The following SBNO2 variants were observed in gnomAD, a reference collection of about 807,000 sequenced individuals.
The protein encoded by SBNO2 is protein strawberry notch homolog 2.
A neutral mutation model predicts 146.3 loss-of-function variants in SBNO2; 89 were observed. The ratio of observed to expected loss-of-function variants is 0.61; its 90% CI spans 0.51 to 0.73. SBNO2 has a LOEUF of 0.73. Among genes scored for constraint, SBNO2 ranks in the 30% least tolerant of loss-of-function variants. SBNO2 has a pLI of 0.00. For synonymous variants in SBNO2, 1,147 were observed against 892.6 expected, an observed-to-expected ratio of 1.29 and a Z score of -5.08; for missense variants, 2,092 against 2,003.7, an observed-to-expected ratio of 1.04 and a Z score of -0.84.
intron 4 of SBNO2, among the ~76,000 whole-genome samples, chr19:1,145,062 C>T (rs978544964): frequency 1.4e-5 from 2 of 144,672 alleles, no homozygotes; most frequent in African/African-American, 5.2e-5. Context: ...AAGACAGAGG[C>T]AGAGAGGGAG....
intron 4 of SBNO2, among the ~76,000 whole-genome samples, chr19:1,145,855 T>C (rs2080184876): frequency 6.6e-6 from 1 of 152,080 alleles, no homozygotes; most frequent in Non-Finnish European, 1.5e-5. Context: ...AGCCCCAAGA[T>C]GAGCAGGGGC....
chr19:1,113,852 C>T, intron 18 of SBNO2, 148 bp from the exon 19 acceptor site: 1 of 1,074,904 alleles, frequency 9.3e-7, no homozygotes, highest in South Asian at 2.0e-5. Flanking sequence ...GGCACCGTGG[C>T]CCAGGACTGC....
At chr19:1,171,415 C>T (rs1396548190) in intron 1 of SBNO2, among the ~76,000 whole-genome samples, 2 of 152,192 alleles carry the variant, frequency 1.3e-5, no homozygotes, top group Non-Finnish European at 2.9e-5. Context: ...GACACGTGTA[C>T]ACACACATGC....
Position 1,147,440 on chromosome 19 carries a change from G to GT in SBNO2, c.168-21_168-20insA. 8.1e-7 allele frequency: 1 copy of GT among 1,241,440 alleles called. No individual in the cohort carries two copies. The highest frequency in any genetic ancestry group is 1.1e-6 in the Non-Finnish European group (1 of 900,922). The allele number at this position is 1,241,440 out of a possible 1,614,324, so 76.9% of individuals were successfully genotyped here. On this transcript the variant is annotated intron_variant, in intron 3 of 31. Coordinates refer to ENST00000361757, the MANE Select transcript of SBNO2 (RefSeq NM_014963.3). Reference sequence around the variant, plus strand: ...AACGGGCTGGAGGGAGATGGGGGGGGGGGAGGTGAGATGGGGTGCTCAACC... The same window carrying GT: ...AACGGGCTGGAGGGAGATGGGGGGGGTGGGAGGTGAGATGGGGTGCTCAACC...
intron 1 of SBNO2, among the ~76,000 whole-genome samples, chr19:1,171,857 G>C (rs1475217271): frequency 1.3e-5 from 2 of 152,178 alleles, no homozygotes; most frequent in East Asian, 1.9e-4. Flanking sequence ...CACGCGGCTG[G>C]AGAACATGCA....
chr19:1,164,897 G>A (rs867363370), intron 1 of SBNO2, among the ~76,000 whole-genome samples: 1 of 88,326 alleles, frequency 1.1e-5, no homozygotes, highest in Admixed American at 1.3e-4. Flanking sequence ...ACAGGAGGAG[G>A]AGGAGGAGGA....
rs1415495415 is a variant in SBNO2, at chr19:1,126,935, GC to G, written c.441+668del. ...GCCCGAAGAACCTGGGGGCCCTGCT[GC>G]CCTACAACCCCTGCTCTAGGCCTGG... On this transcript the variant is annotated intron_variant, in intron 5 of 31. Coordinates refer to ENST00000361757, the MANE Select transcript of SBNO2 (RefSeq NM_014963.3). The surrounding 1 kb of genome is among the most constrained non-coding windows in gnomAD (Gnocchi z 4.4). 6.6e-6 allele frequency among the ~76,000 whole-genome samples: 1 copy of G among 152,182 alleles called. No individual in the cohort carries two copies. Among genetic ancestry groups the G allele is most frequent in the Non-Finnish European group, 1.5e-5 (1 of 68,018 alleles).
chr19:1,112,282 G>A lies in SBNO2; in HGVS notation c.2535C>T (p.Asn845=), dbSNP rs757001195. 1.3e-6 allele frequency: 2 copies of A among 1,587,730 alleles called. No individual in the cohort carries two copies. Among genetic ancestry groups the A allele is most frequent in the African/African-American group, 1.3e-5 (1 of 74,674 alleles). ...AGACATACTCTGGCGCGGAGACCTG[G>A]TTGGACCGGTGGGTGCGGCCTGGGG... is the stretch of plus-strand genomic sequence containing the variant. ...IQQFGRTHRS[N]QVSAPEYVFL... is the part of the protein sequence containing the mutation. The change falls in exon 22 of 32, where the codon AAC becomes AAT. Residue 845 remains asparagine, a synonymous_variant. Coordinates refer to ENST00000361757, the MANE Select transcript of SBNO2 (RefSeq NM_014963.3). This position sits in a 1 kb window ranked among gnomAD's most constrained non-coding sequence, Gnocchi z 5.9.
chr19:1,126,745 G>A lies in SBNO2; in HGVS notation c.441+859C>T, dbSNP rs2079970029. On this transcript the variant is annotated intron_variant, in intron 5 of 31. Coordinates refer to ENST00000361757, the MANE Select transcript of SBNO2 (RefSeq NM_014963.3). This position sits in a 1 kb window ranked among gnomAD's most constrained non-coding sequence, Gnocchi z 4.4. Reference sequence around the variant, plus strand: ...AGGCTGGCATGGGCCCTCACCGGAAGGCGCTCAGTCCCAGAGACATGTCCA... The same window carrying A: ...AGGCTGGCATGGGCCCTCACCGGAAAGCGCTCAGTCCCAGAGACATGTCCA... Among the ~76,000 whole-genome samples the A allele has an allele frequency of 6.6e-6, 1 of 152,246 alleles. No individual in the cohort carries two copies. The highest frequency in any genetic ancestry group is 2.1e-4 in the South Asian group (1 of 4,836).
rs1187500786 is a variant in SBNO2 at position 1,140,984 on chromosome 19, G to A, written c.279+6325C>T. 6.8e-6 allele frequency among the ~76,000 whole-genome samples: 1 copy of A among 148,018 alleles called. No homozygotes were observed. The highest frequency in any genetic ancestry group is 1.5e-5 in the Non-Finnish European group (1 of 66,792). On this transcript the variant is annotated intron_variant, in intron 4 of 31. Coordinates refer to ENST00000361757, the MANE Select transcript of SBNO2 (RefSeq NM_014963.3). This position sits in a 1 kb window ranked among gnomAD's most constrained non-coding sequence, Gnocchi z 4.4. ...CAACCCCAGACAAAACCAACGGAGA[G>A]GCACTCTGGAGAAGACACACCCTGG...
chr19:1,112,355 A>G lies in SBNO2; in HGVS notation c.2515+47T>C. 6.4e-7 allele frequency: 1 copy of G among 1,567,666 alleles called. No homozygotes were observed. Among genetic ancestry groups the G allele is most frequent in the Non-Finnish European group, 8.6e-7 (1 of 1,158,816 alleles). On this transcript the variant is annotated intron_variant, in intron 21 of 31. Transcript: ENST00000361757. This position sits in a 1 kb window ranked among gnomAD's most constrained non-coding sequence, Gnocchi z 5.9. The stretch of plus-strand genomic sequence containing the variant: ...GCCAGGCGGGGGCGGGGCCGAGACC[A>G]TGTTGGGGGCGGGGCCAGGCAGCGC...
rs369558098 is a variant in SBNO2, at chr19:1,147,405, G to A, written c.183C>T (p.Ser61=). ...FSSDSRPFMS[S]ASFLGSQPCP... ...AGGGCTGGCTGCCGAGGAAGGAGGCGGAGCTCATGAACGGGCTGGAGGGAG... is the reference window on the plus strand; with the variant it reads ...AGGGCTGGCTGCCGAGGAAGGAGGCAGAGCTCATGAACGGGCTGGAGGGAG... The change falls in exon 4 of 32, where the codon TCC becomes TCT. Residue 61 remains serine (S), a synonymous_variant. Coordinates refer to ENST00000361757, the MANE Select transcript of SBNO2 (RefSeq NM_014963.3). The A allele has an allele frequency of 1.4e-4, 213 of 1,511,560 alleles. 1 individual carries two copies. Among genetic ancestry groups the A allele is most frequent in the South Asian group, 4.6e-4 (36 of 78,388 alleles). The allele number at this position is 1,511,560 out of a possible 1,614,324, so 93.6% of individuals were successfully genotyped here. A position where few individuals can be genotyped will look rare whatever the true frequency, so the allele number is the denominator to read the frequency against.
chr19:1,135,347 G>A (rs1288682383), intron 4 of SBNO2, among the ~76,000 whole-genome samples: 1 of 152,236 alleles, frequency 6.6e-6, no homozygotes, highest in East Asian at 1.9e-4. Flanking sequence ...GGGCAACAGA[G>A]CAAAATACTG....
intron 4 of SBNO2, among the ~76,000 whole-genome samples, chr19:1,138,287 G>A (rs1228410450): frequency 2.7e-5 from 4 of 149,506 alleles, no homozygotes; most frequent in South Asian, 2.1e-4. Flanking sequence ...AACAGGTGCC[G>A]GAGAGCCTGG....
Position 1,120,532 on chromosome 19 carries a change from G to C in SBNO2, c.1150-509C>G, listed in dbSNP as rs1221669132. Reference sequence around the variant, plus strand: ...CAGGTGTGTGCCACCACCACAACCGGCTAATTTTTGTAGTTTTGGTAGAGA... The same window carrying C: ...CAGGTGTGTGCCACCACCACAACCGCCTAATTTTTGTAGTTTTGGTAGAGA... On this transcript the variant is annotated intron_variant, in intron 11 of 31. Transcript: ENST00000361757. Among the ~76,000 whole-genome samples the C allele has an allele frequency of 1.1e-4, 17 of 151,958 alleles. 1 individual carries two copies. Among genetic ancestry groups the C allele is most frequent in the Non-Finnish European group, 2.5e-4 (17 of 67,994 alleles).
chr19:1,108,418 C>A lies in SBNO2; in HGVS notation c.3903G>T (p.Ala1301=). Residue 1301 remains alanine (A), a synonymous_variant, in exon 32 of 32, where the codon GCG becomes GCT. Coordinates refer to ENST00000361757, the MANE Select transcript of SBNO2 (RefSeq NM_014963.3). ...LGTPDAQADP[A]ALAHQGCDIN... is the part of the protein sequence containing the mutation. ...TGTCGCAGCCCTGGTGCGCGAGGGCCGCAGGGTCGGCCTGGGCGTCGGGGG... is the reference window on the plus strand; with the variant it reads ...TGTCGCAGCCCTGGTGCGCGAGGGCAGCAGGGTCGGCCTGGGCGTCGGGGG... 7.9e-7 allele frequency: 1 copy of A among 1,268,964 alleles called. No homozygotes were observed. Among genetic ancestry groups the A allele is most frequent in the Non-Finnish European group, 1.0e-6 (1 of 1,002,212 alleles). The allele number at this position is 1,268,964 out of a possible 1,614,324, so 78.6% of individuals were successfully genotyped here. A position where few individuals can be genotyped will look rare whatever the true frequency, so the allele number is the denominator to read the frequency against.
At chr19:1,161,818 A>T (rs1230113038) in intron 1 of SBNO2, among the ~76,000 whole-genome samples, 1 of 149,038 alleles carries the variant, frequency 6.7e-6, no homozygotes, top group African/African-American at 2.5e-5. Context: ...GGTGGGTGTC[A>T]TGGCTCTGCT....
chr19:1,161,781 G>A (rs1466947494), intron 1 of SBNO2, among the ~76,000 whole-genome samples: 2 of 151,946 alleles, frequency 1.3e-5, no homozygotes, highest in Non-Finnish European at 2.9e-5. Context: ...GGTCACCTGT[G>A]AGGCCCGGAG....
At position 1,110,630 on chromosome 19, in the gene SBNO2, G is replaced by A. The variant is rs553279663; in HGVS notation, c.3028+115C>T. 7.9e-6 allele frequency: 10 copies of A among 1,270,450 alleles called. No homozygotes were observed. The South Asian group carries it at 1.4e-4, about 18-fold the overall frequency. 78.7% of individuals were successfully genotyped at this position (1,270,450 alleles called of 1,614,324 possible). On this transcript the variant is annotated intron_variant, in intron 26 of 31. Coordinates refer to ENST00000361757, the MANE Select transcript of SBNO2 (RefSeq NM_014963.3). The surrounding 1 kb of genome is among the most constrained non-coding windows in gnomAD (Gnocchi z 4.9). The stretch of plus-strand genomic sequence containing the variant: ...TGCACGGTGTTCCCACGAGCCCCTC[G>A]CCCACCCGGGATGCCCGGTGTTCCC...
Sources: gnomAD v4.1 joint callset for allele counts (sites outside exome capture counted in the v4.1 genomes callset) on GRCh38, gnomAD v4.1.1 for gene constraint, Gnocchi (gnomAD v3.1) non-coding constraint, MANE v1.5 for transcripts, NCBI Gene and HGNC (gene_info 2026-07-23, HGNC 2026-07-21) for gene names.